The following SNRPN variants were observed in gnomAD, a reference collection of about 807,000 sequenced individuals.
The protein encoded by SNRPN is small nuclear ribonucleoprotein-associated protein N.
Under a neutral mutation model 25.2 loss-of-function variants are expected in SNRPN, and 7 were observed. The observed-to-expected ratio is 0.28, with a 90% confidence interval of 0.16 to 0.52. SNRPN has a LOEUF of 0.52. Ranked by LOEUF, SNRPN falls within the 20% of genes least tolerant of loss-of-function variation. The pLI is 0.96. For missense variants in SNRPN, 196 were observed against 322.5 expected, an observed-to-expected ratio of 0.61 and a Z score of 3.00; for synonymous variants, 124 against 110.6, an observed-to-expected ratio of 1.12 and a Z score of -0.76.
At chr15:24,888,076 T>A in intron 2 of SNRPN, among the ~76,000 whole-genome samples, 1 of 152,040 alleles carries the variant, frequency 6.6e-6, no homozygotes, top group Non-Finnish European at 1.5e-5. Flanking sequence ...ACATATATTT[T>A]ACCGTAATAT....
At chr15:24,898,953 G>A (rs922649864) in intron 2 of SNRPN, among the ~76,000 whole-genome samples, 2 of 152,282 alleles carry the variant, frequency 1.3e-5, no homozygotes, top group Admixed American at 6.5e-5. Context: ...GGGTTGAAAG[G>A]AAGTGGTGTA....
intron 1 of SNRPN, among the ~76,000 whole-genome samples, chr15:24,858,756 G>A (rs1433355190): frequency 6.6e-6 from 1 of 152,068 alleles, no homozygotes; most frequent in African/African-American, 2.4e-5. Context: ...AGTCAACATC[G>A]AGCCACTGCA....
chr15:24,910,753 A>G, intron 2 of SNRPN: 1 of 268,124 alleles, frequency 3.7e-6, no homozygotes, highest in Non-Finnish European at 6.9e-6. Context: ...TCAGCCTCCC[A>G]AAGTGCTGGA....
intron 2 of SNRPN, among the ~76,000 whole-genome samples, chr15:24,896,358 T>C (rs111785035): frequency 2.0e-5 from 3 of 152,210 alleles, no homozygotes; most frequent in African/African-American, 7.2e-5. Context: ...TGCTATGTTA[T>C]ATGTCAAAAG....
chr15:24,909,149 T>C (rs1279358102), intron 2 of SNRPN: 20 of 1,365,456 alleles, frequency 1.5e-5, no homozygotes, highest in South Asian at 2.3e-5. Flanking sequence ...CTTTATGTAT[T>C]GAGAGAACTG....
chr15:24,830,857 C>T (rs757009050), intron 2 of SNRPN, among the ~76,000 whole-genome samples: 2 of 152,088 alleles, frequency 1.3e-5, no homozygotes, highest in Non-Finnish European at 2.9e-5. Flanking sequence ...TGGTGCATCT[C>T]GATGAGTGGT....
At position 24,840,071 on chromosome 15, in the gene SNRPN, A is replaced by G. The variant is rs552689128; in HGVS notation, c.-579+10166A>G. ...GTAAGGATTGCCATTTAAAAGAGGG[A>G]TATAGGCCGGGCGTGGTGGCTCATG... On this transcript the variant is annotated intron_variant, in intron 2 of 12. Transcript: ENST00000400100. 4.6e-3 allele frequency among the ~76,000 whole-genome samples: 696 copies of G among 152,240 alleles called. 5 individuals are homozygous for G. The highest frequency in any genetic ancestry group is 8.2e-3 in the Non-Finnish European group (555 of 68,010).
chr15:24,823,911 A>G (rs1470991509), intron 1 of SNRPN: 1 of 152,148 alleles, frequency 6.6e-6, no homozygotes, highest in African/African-American at 2.4e-5. Context: ...TCACATAAAC[A>G]TCATTTAAAA....
rs33929037 is a variant in SNRPN at position 24,904,942 on chromosome 15, C to CA, written c.-504-15048dup. ...TGGGCAACAGGGCAAGACTCCGTCT[C>CA]AAAAAAAAAAAAAAAAAAAAATTAG... On this transcript the variant is annotated intron_variant, in intron 2 of 11. Coordinates refer to the SNRPN transcript ENST00000400097. Among the ~76,000 whole-genome samples the CA allele has an allele frequency of 9.7e-3, 855 of 88,172 alleles. 8 individuals are homozygous for CA. The highest frequency in any genetic ancestry group is 0.017 in the African/African-American group (374 of 21,972). The allele number at this position is 88,172 out of a possible 152,430, so 57.8% of individuals were successfully genotyped here. A position where few individuals can be genotyped will look rare whatever the true frequency, so the allele number is the denominator to read the frequency against.
intron 2 of SNRPN, among the ~76,000 whole-genome samples, chr15:24,840,285 G>C (rs1253645261): frequency 3.9e-5 from 6 of 152,148 alleles, no homozygotes; most frequent in Non-Finnish European, 8.8e-5. Context: ...TTGAACCCGG[G>C]AGGCAGAGGT....
Position 24,975,396 on chromosome 15 carries a change from C to G in SNRPN, c.42C>G (p.Asp14Glu). ...GKSSKMLQHI[D>E]YRMRCILQDG... ...GTAGCAAGATGCTGCAGCACATTGA[C>G]TATAGAATGAGATGTATCCTGCAAG... Residue 14 changes from aspartate to glutamate, a missense_variant, in exon 5 of 10, where the codon GAC (aspartate) becomes GAG (glutamate). Asp to Glu is a conservative substitution (Grantham distance 45). Coordinates refer to ENST00000390687, the MANE Select transcript of SNRPN (RefSeq NM_003097.6). 6.2e-7 allele frequency: 1 copy of G among 1,613,402 alleles called. No individual in the cohort carries two copies. Among genetic ancestry groups the G allele is most frequent in the Non-Finnish European group, 8.5e-7 (1 of 1,179,376 alleles).
At chr15:24,931,549 C>T (rs2060853452) in intron 3 of SNRPN, among the ~76,000 whole-genome samples, 1 of 151,900 alleles carries the variant, frequency 6.6e-6, no homozygotes, top group Admixed American at 6.6e-5. Context: ...TACATCAAGA[C>T]CTAGGCTGGG....
intron 2 of SNRPN, among the ~76,000 whole-genome samples, chr15:24,891,469 G>T (rs1455991061): frequency 1.3e-5 from 2 of 150,400 alleles, no homozygotes; most frequent in South Asian, 2.1e-4. Context: ...ACGGATTCTC[G>T]CTGTGTTGCC....
intron 1 of SNRPN, among the ~76,000 whole-genome samples, chr15:24,863,349 A>C (rs1328593076): frequency 1.3e-5 from 2 of 150,810 alleles, no homozygotes; most frequent in Non-Finnish European, 2.9e-5. Context: ...GAAGAAGGAC[A>C]GCAGGTAACT....
At chr15:24,970,434 C>T (rs1404020596) in intron 3 of SNRPN, among the ~76,000 whole-genome samples, 1 of 152,058 alleles carries the variant, frequency 6.6e-6, no homozygotes, top group Non-Finnish European at 1.5e-5. Context: ...CAAATATTAG[C>T]CGGGTGTAGT....
At chr15:24,905,457 C>T (rs1372726380) in intron 2 of SNRPN, among the ~76,000 whole-genome samples, 1 of 148,878 alleles carries the variant, frequency 6.7e-6, no homozygotes, top group Non-Finnish European at 1.5e-5. Flanking sequence ...GGCAGTGAGC[C>T]GAGATCAAGC....
intron 2 of SNRPN, among the ~76,000 whole-genome samples, chr15:24,898,701 C>T (rs1318375339): frequency 6.6e-6 from 1 of 152,116 alleles, no homozygotes; most frequent in African/African-American, 2.4e-5. Context: ...ACTCAACTAT[C>T]AATTTAATCT....
intron 3 of SNRPN, among the ~76,000 whole-genome samples, chr15:24,932,476 C>T (rs1595988644): frequency 6.6e-6 from 1 of 152,100 alleles, no homozygotes; most frequent in Non-Finnish European, 1.5e-5. Flanking sequence ...TCAGGTGATC[C>T]GCCTGCCTCA....
At position 24,978,399 on chromosome 15, in the gene SNRPN, C is replaced by T. The variant is rs932498061; in HGVS notation, c.686-8C>T. ...CTCTTTTTCTCAATGTTTCTATTTC[C>T]TTTCCAGGTCCACCTCCCCCAGGAA... On this transcript the variant is annotated splice_polypyrimidine_tract_variant and splice_region_variant and intron_variant, in intron 9 of 9. Coordinates refer to ENST00000390687, the MANE Select transcript of SNRPN (RefSeq NM_003097.6). 2 of 1,614,056 alleles carry T rather than the reference C, an allele frequency of 1.2e-6. No homozygotes were observed. Among genetic ancestry groups the T allele is most frequent in the African/African-American group, 1.3e-5 (1 of 75,026 alleles).
Sources: allele counts gnomAD v4.1 joint callset (sites outside exome capture counted in the v4.1 genomes callset), GRCh38; gene constraint gnomAD v4.1.1; transcripts MANE v1.5; gene names NCBI Gene and HGNC (gene_info 2026-07-23, HGNC 2026-07-21).